MYO1B: variants seen among roughly 807,000 people sequenced by gnomAD.
The protein encoded by MYO1B is unconventional myosin-Ib.
In MYO1B, 72 loss-of-function variants were observed where a neutral mutation model predicts 159.7. That is an observed-to-expected ratio of 0.45 (90% CI 0.37 to 0.55). MYO1B has a LOEUF of 0.55. MYO1B is among the 20% of genes least tolerant of loss of function. The pLI is 0.00. For synonymous variants in MYO1B, 468 were observed against 473.8 expected (o/e 0.99, Z 0.16); for missense variants, 1,062 against 1,364.8 (o/e 0.78, Z 3.50).
chr2:191,303,101 G>T (rs1182299597), intron 3 of MYO1B, among the ~76,000 whole-genome samples: 2 of 152,190 alleles, frequency 1.3e-5, no homozygotes, highest in Non-Finnish European at 1.5e-5. Context: ...ATCTCAAAAT[G>T]TACCAGTGCT....
chr2:191,275,850 A>G (rs1460305879), intron 1 of MYO1B, among the ~76,000 whole-genome samples: 1 of 152,230 alleles, frequency 6.6e-6, no homozygotes, highest in Non-Finnish European at 1.5e-5. Flanking sequence ...AATAATACAG[A>G]CACATGTGTG....
At chr2:191,334,583 TCTC>T (rs1328906126) in intron 4 of MYO1B, among the ~76,000 whole-genome samples, 4 of 152,220 alleles carry the variant, frequency 2.6e-5, no homozygotes, top group East Asian at 1.9e-4. Context: ...GAAATCCTCT[TCTC>T]CTTGTCATCT....
intron 28 of MYO1B, 79 bp downstream of exon 28, chr2:191,414,259 T>C: frequency 6.6e-7 from 1 of 1,511,676 alleles, no homozygotes. Flanking sequence ...ATGTAAAAAT[T>C]TGCATTTCAT....
At chr2:191,297,524 GCAT>G (rs1017343573) in intron 3 of MYO1B, among the ~76,000 whole-genome samples, 3 of 152,142 alleles carry the variant, frequency 2.0e-5, no homozygotes, top group Non-Finnish European at 4.4e-5. Context: ...TTTCGCAGTA[GCAT>G]CATCCTCTCT....
chr2:191,369,977 G>A (rs1303008721), intron 12 of MYO1B, among the ~76,000 whole-genome samples: 2 of 152,146 alleles, frequency 1.3e-5, no homozygotes, highest in African/African-American at 4.8e-5. Context: ...TTACTAAAAT[G>A]AGAGTGTTGG....
At chr2:191,352,594 T>C (rs1314809994) in intron 7 of MYO1B, among the ~76,000 whole-genome samples, 1 of 152,220 alleles carries the variant, frequency 6.6e-6, no homozygotes, top group African/African-American at 2.4e-5. Context: ...CCAATTAAGA[T>C]TAATATATCT....
intron 13 of MYO1B, among the ~76,000 whole-genome samples, chr2:191,372,642 A>G (rs1694432397): frequency 6.6e-6 from 1 of 152,192 alleles, no homozygotes; most frequent in East Asian, 1.9e-4. Flanking sequence ...TGTTTGCTAC[A>G]GACCTAATCA....
chr2:191,353,947 G>A (rs1244125881), intron 7 of MYO1B, among the ~76,000 whole-genome samples: 1 of 152,102 alleles, frequency 6.6e-6, no homozygotes, highest in Non-Finnish European at 1.5e-5. Flanking sequence ...ATTACTGAGT[G>A]ACCAGCAACT....
chr2:191,264,975 G>A (rs1687044790), intron 1 of MYO1B, among the ~76,000 whole-genome samples: 1 of 152,056 alleles, frequency 6.6e-6, no homozygotes, highest in South Asian at 2.1e-4. Context: ...TGAGCTAGCT[G>A]CAGAGCTGGG....
intron 4 of MYO1B, among the ~76,000 whole-genome samples, chr2:191,331,086 C>T (rs1691443795): frequency 6.6e-6 from 1 of 152,176 alleles, no homozygotes; most frequent in African/African-American, 2.4e-5. Flanking sequence ...AGGCGTAACT[C>T]CTCCCTGCAC....
At chr2:191,411,000 T>G in intron 26 of MYO1B, 66 bp from the exon 27 acceptor site, 1 of 936,560 alleles carries the variant, frequency 1.1e-6, no homozygotes, top group South Asian at 1.7e-5. Context: ...TCTTAGCATA[T>G]TTAAGAATGA....
chr2:191,340,258 T>TAAA (rs1336470574), intron 4 of MYO1B, among the ~76,000 whole-genome samples: 1 of 152,014 alleles, frequency 6.6e-6, no homozygotes, highest in East Asian at 1.9e-4. Context: ...GATCCTTTTT[T>TAAA]AGAGTTCAGC....
chr2:191,410,577 C>T (rs1697193934), intron 26 of MYO1B, among the ~76,000 whole-genome samples: 2 of 152,102 alleles, frequency 1.3e-5, no homozygotes, highest in Non-Finnish European at 2.9e-5. Flanking sequence ...GGATTACTAC[C>T]AGCGTTTTTC....
chr2:191,397,816 G>T (rs1055876178), intron 21 of MYO1B, among the ~76,000 whole-genome samples: 1 of 145,262 alleles, frequency 6.9e-6, no homozygotes, highest in Non-Finnish European at 1.5e-5. Flanking sequence ...CTGGCCGGGC[G>T]GGGGGCTGAC....
intron 27 of MYO1B, among the ~76,000 whole-genome samples, chr2:191,411,466 C>T (rs4344879): frequency 0.81 from 123,053 of 152,198 alleles, 53,930 homozygotes; most frequent in Non-Finnish European, 0.98. Flanking sequence ...TGTTAAGATA[C>T]GTTTGCATTG....
chr2:191,376,841 G>A (rs1432088980), intron 13 of MYO1B, among the ~76,000 whole-genome samples: 2 of 152,068 alleles, frequency 1.3e-5, no homozygotes, highest in East Asian at 3.8e-4. Context: ...AAGAGCCTAA[G>A]AGTTTTTAAA....
At chr2:191,407,951 C>G (rs1697029171) in intron 24 of MYO1B, 164 bp from the exon 25 acceptor site, 1 of 440,048 alleles carries the variant, frequency 2.3e-6, no homozygotes, top group Non-Finnish European at 4.0e-6. Context: ...TTCTCTCTGA[C>G]TTAAGATCCA....
At chr2:191,339,787 A>G (rs1239373461) in intron 4 of MYO1B, among the ~76,000 whole-genome samples, 1 of 152,198 alleles carries the variant, frequency 6.6e-6, no homozygotes, top group Middle Eastern at 3.2e-3. Context: ...TGTGACCTGC[A>G]TAGATTCTTG....
Position 191,341,517 on chromosome 2 carries a change from G to T in MYO1B, c.403G>T (p.Val135Phe). The T allele has an allele frequency of 6.2e-7, 1 of 1,614,056 alleles. No individual in the cohort carries two copies. Among genetic ancestry groups the T allele is most frequent in the Non-Finnish European group, 8.5e-7 (1 of 1,179,964 alleles). ...VAAVCGKGAE[V>F]NQVKEQLLQS... ...AGCTGTTTGTGGAAAAGGAGCAGAA[G>T]TTAATCAAGTTAAAGAACAGCTTTT... The change falls in exon 5 of 31, where the codon GTT (valine) becomes TTT (phenylalanine). Residue 135 changes from valine to phenylalanine, a missense_variant. Transcript: ENST00000392318.
Sources: gnomAD v4.1 joint callset for allele counts (sites outside exome capture counted in the v4.1 genomes callset) on GRCh38, gnomAD v4.1.1 for gene constraint, MANE v1.5 for transcripts, NCBI Gene and HGNC (gene_info 2026-07-23, HGNC 2026-07-21) for gene names.